Variants in PDE9A observed in about 807,000 individuals in gnomAD.
PDE9A encodes phosphodiesterase 9A.
A neutral mutation model predicts 87.4 loss-of-function variants in PDE9A; 60 were observed. The observed-to-expected ratio is 0.69, with a 90% CI of 0.56 to 0.85. The LOEUF is 0.85. PDE9A is among the 40% of genes least tolerant of loss of function. The probability of loss-of-function intolerance (pLI) is 0.00; values close to 1 mark genes in which losing one functional copy is unlikely to be tolerated. For synonymous variants in PDE9A, 272 were observed against 279.4 expected, an observed-to-expected ratio of 0.97 and a Z score of 0.27; for missense variants, 665 against 779.0, an observed-to-expected ratio of 0.85 and a Z score of 1.74.
At chr21:42,762,908 G>A (rs1030840588) in intron 14 of PDE9A, among the ~76,000 whole-genome samples, 11 of 152,140 alleles carry the variant, frequency 7.2e-5, no homozygotes, top group African/African-American at 2.4e-4. Context: ...GGCCAGGCTG[G>A]TCTTGAACTC....
rs1039438429 is a variant in PDE9A, at chr21:42,760,667, C to T, written c.1003-158C>T. 1.3e-5 allele frequency among the ~76,000 whole-genome samples: 2 copies of T among 152,104 alleles called. No homozygotes were observed. Among genetic ancestry groups the T allele is most frequent in the Non-Finnish European group, 2.9e-5 (2 of 68,004 alleles). On this transcript the variant is annotated intron_variant, in intron 12 of 19. Transcript: ENST00000291539. The surrounding 1 kb of genome is among the most constrained non-coding windows in gnomAD (Gnocchi z 5.2). ...CCGACCTGGTCACCCCCCCAACCCC[C>T]ACAGGCAGGCCGATCCTCTCCCACC... is the stretch of plus-strand genomic sequence containing the variant.
chr21:42,740,583 G>GTGGATGGA lies in PDE9A; in HGVS notation c.569-3158_569-3151dup, dbSNP rs58306941. ...ATATGATGAATGCATAGATGGATGGGTGGATGGATGGATGGATGGATGGAT... is the reference window on the plus strand; with the variant it reads ...ATATGATGAATGCATAGATGGATGGGTGGATGGATGGATGGATGGATGGATGGATGGAT... On this transcript the variant is annotated intron_variant, in intron 7 of 19. Transcript: ENST00000291539. Among the ~76,000 whole-genome samples the GTGGATGGA allele has an allele frequency of 2.6e-3, 286 of 108,962 alleles. 2 individuals carry two copies. The highest frequency in any genetic ancestry group is 5.2e-3 in the Middle Eastern group (1 of 192). 71.5% of individuals were successfully genotyped at this position (108,962 alleles called of 152,430 possible).
chr21:42,762,185 T>C lies in PDE9A; in HGVS notation c.1188T>C (p.Pro396=). Residue 396 remains proline (P), a synonymous_variant, in exon 14 of 20, where the codon CCT becomes CCC. Transcript: ENST00000291539. ...CAVAFQILAE[P]ECNIFSNIPP... is the part of the protein sequence containing the mutation. ...TGGCCTTCCAGATCCTCGCCGAGCC[T>C]GAGTGCAACATCTTCTCCAACATCC... The C allele has an allele frequency of 6.2e-7, 1 of 1,614,140 alleles. No individual in the cohort carries two copies.
At position 42,747,278 on chromosome 21, in the gene PDE9A, C is replaced by T. The variant is rs185680375; in HGVS notation, c.653+3418C>T. ...ACCAGTCTCAGTTAAGCTGGAACTT[C>T]CCCGGATGACTGGGGAGAGGAGCTG... On this transcript the variant is annotated intron_variant, in intron 8 of 19. Transcript: ENST00000291539. 4.8e-3 allele frequency among the ~76,000 whole-genome samples: 728 copies of T among 151,826 alleles called. 2 individuals are homozygous for T. The highest frequency in any genetic ancestry group is 0.017 in the Middle Eastern group (5 of 294).
At chr21:42,718,956 C>T (rs939509763) in intron 4 of PDE9A, among the ~76,000 whole-genome samples, 6 of 151,806 alleles carry the variant, frequency 4.0e-5, no homozygotes, top group African/African-American at 1.2e-4. Flanking sequence ...ATCTGAACTT[C>T]GTGCAGCCTG....
rs1474149213 is a variant in PDE9A at position 42,722,456 on chromosome 21, G to A, written c.263-9314G>A. On this transcript the variant is annotated intron_variant, in intron 4 of 19. Transcript: ENST00000291539. The surrounding 1 kb of genome is among the most constrained non-coding windows in gnomAD (Gnocchi z 4.1). ...GATGCCGTGCAATGGCTACGATCAA[G>A]GGCAATAGAATGGATCGTGCATGAG... is the stretch of plus-strand genomic sequence containing the variant. Among the ~76,000 whole-genome samples, 1 of 152,176 alleles carries A rather than the reference G, an allele frequency of 6.6e-6. No homozygotes were observed. The highest frequency in any genetic ancestry group is 1.5e-5 in the Non-Finnish European group (1 of 68,038).
intron 16 of PDE9A, 44 bp downstream of exon 16, chr21:42,768,336 A>G: frequency 8.1e-7 from 1 of 1,241,256 alleles, no homozygotes; most frequent in Non-Finnish European, 1.2e-6. Context: ...CACTCTTATT[A>G]GCCCCACTTA....
intron 4 of PDE9A, among the ~76,000 whole-genome samples, chr21:42,720,903 G>T (rs2050446591): frequency 1.3e-5 from 2 of 151,972 alleles, no homozygotes; most frequent in Non-Finnish European, 2.9e-5. Flanking sequence ...TGCTCGGGAG[G>T]CTGAGGCAGG....
rs2059454646 is a variant in PDE9A at position 42,686,187 on chromosome 21, T to C, written c.70-5T>C. ...CTGCCGCCTCACCGCGCTTCTGTTTTGCAGGTAATCTTCAGCAAGTACTGC... is the reference window on the plus strand; with the variant it reads ...CTGCCGCCTCACCGCGCTTCTGTTTCGCAGGTAATCTTCAGCAAGTACTGC... On this transcript the variant is annotated splice_region_variant and splice_polypyrimidine_tract_variant and intron_variant, in intron 1 of 19. Transcript: ENST00000291539. The C allele has an allele frequency of 9.9e-6, 16 of 1,613,318 alleles. No homozygotes were observed. The highest frequency in any genetic ancestry group is 1.4e-5 in the Non-Finnish European group (16 of 1,179,260).
At chr21:42,767,742 T>C (rs2056544162) in intron 15 of PDE9A, among the ~76,000 whole-genome samples, 2 of 152,170 alleles carry the variant, frequency 1.3e-5, no homozygotes, top group African/African-American at 4.8e-5. Context: ...GCCCTCCACC[T>C]CTTGTCCTAT....
rs1230519588 is a variant in PDE9A, at chr21:42,704,987, G to A, written c.262+5976G>A. 6.6e-6 allele frequency among the ~76,000 whole-genome samples: 1 copy of A among 152,218 alleles called. No homozygotes were observed. Among genetic ancestry groups the A allele is most frequent in the Non-Finnish European group, 1.5e-5 (1 of 68,034 alleles). On this transcript the variant is annotated intron_variant, in intron 4 of 19. Coordinates refer to ENST00000291539, the MANE Select transcript of PDE9A (RefSeq NM_002606.3). The surrounding 1 kb of genome is among the most constrained non-coding windows in gnomAD (Gnocchi z 5.3). The stretch of plus-strand genomic sequence containing the variant: ...AAAAACGTGACTTTTCATAGAAAAG[G>A]GAGAATAGGCCAGCCCTGGCCTGGG...
At chr21:42,731,974 G>A in intron 5 of PDE9A, 25 bp downstream of exon 5, 1 of 1,612,266 alleles carries the variant, frequency 6.2e-7, no homozygotes, top group Non-Finnish European at 8.5e-7. Flanking sequence ...CTCGGCCACA[G>A]CCTCCACCCC....
Position 42,743,872 on chromosome 21 carries a change from G to T in PDE9A, c.653+12G>T, listed in dbSNP as rs532521735. ...GCCAGAAGCAGCAGGTAGGGTCTGC[G>T]CTGGGGCCACGGGCGGCCGGGCCTG... On this transcript the variant is annotated intron_variant, in intron 8 of 19. Coordinates refer to ENST00000291539, the MANE Select transcript of PDE9A (RefSeq NM_002606.3). 3 of 1,537,280 alleles carry T rather than the reference G, an allele frequency of 2.0e-6. No individual in the cohort carries two copies. The highest frequency in any genetic ancestry group is 1.7e-4 in the Middle Eastern group (1 of 5,752).
intron 8 of PDE9A, among the ~76,000 whole-genome samples, chr21:42,747,744 G>A (rs1267187142): frequency 2.0e-5 from 3 of 151,970 alleles, no homozygotes; most frequent in Non-Finnish European, 2.9e-5. Flanking sequence ...AGAGAGCAGA[G>A]CATGGAATAT....
chr21:42,754,186 G>GAA (rs11411040), intron 10 of PDE9A, 122 bp downstream of exon 10: 42,309 of 475,290 alleles, frequency 0.089, 1 homozygote, highest in East Asian at 0.15. Context: ...TTTAAAGACT[G>GAA]AAAAAAAAAA....
chr21:42,751,744 CT>C (rs33940532), intron 9 of PDE9A, among the ~76,000 whole-genome samples: 22,984 of 122,146 alleles, frequency 0.19, 2,379 homozygotes, highest in Admixed American at 0.34. Flanking sequence ...GGCCCACCTG[CT>C]TTTTTTTTTT....
At chr21:42,686,804 G>A (rs2146183287) in intron 2 of PDE9A, among the ~76,000 whole-genome samples, 1 of 152,232 alleles carries the variant, frequency 6.6e-6, no homozygotes, top group African/African-American at 2.4e-5. Flanking sequence ...AACAGAGCGA[G>A]ACTCCGCCTC....
chr21:42,714,346 C>T (rs1272538928), intron 4 of PDE9A, among the ~76,000 whole-genome samples: 2 of 152,176 alleles, frequency 1.3e-5, no homozygotes, highest in Admixed American at 6.5e-5. Flanking sequence ...CAGATCTAAA[C>T]GTATCACATG....
chr21:42,669,671 T>C (rs569869155), intron 1 of PDE9A, among the ~76,000 whole-genome samples: 4 of 152,180 alleles, frequency 2.6e-5, no homozygotes, highest in Non-Finnish European at 4.4e-5. Context: ...ATGCTGGCTG[T>C]ATGTTCTCGG....
Sources: allele counts gnomAD v4.1 joint callset (sites outside exome capture counted in the v4.1 genomes callset), GRCh38; gene constraint gnomAD v4.1.1; non-coding constraint Gnocchi (gnomAD v3.1); transcripts MANE v1.5; gene names NCBI Gene and HGNC (gene_info 2026-07-23, HGNC 2026-07-21).